KDM8: variants seen among roughly 807,000 people sequenced by gnomAD.
KDM8 encodes the protein bifunctional peptidase and arginyl-hydroxylase JMJD5.
Under a neutral mutation model 46.9 loss-of-function variants are expected in KDM8, and 35 were observed. The ratio of observed to expected loss-of-function variants is 0.75; its 90% CI spans 0.57 to 0.99. The LOEUF is 0.99. KDM8 is among the 50% of genes least tolerant of loss of function. KDM8 has a pLI of 0.00. For synonymous variants in KDM8, 232 were observed against 227.7 expected, an observed-to-expected ratio of 1.02 and a Z score of -0.17; for missense variants, 475 against 537.0, an observed-to-expected ratio of 0.88 and a Z score of 1.14.
chr16:27,203,923 G>T, intron 1 of KDM8: 1 of 533,998 alleles, frequency 1.9e-6, no homozygotes, highest in South Asian at 2.5e-5. Flanking sequence ...AGGCCCTTAC[G>T]GCGGGCTGCT....
chr16:27,220,924 A>G lies in KDM8; in HGVS notation c.*194A>G. ...GAGCAGGGGCTGCCCAGGAAGGAGC[A>G]CACTCCAGGCCAGGGGTGCATGGCA... On this transcript the variant is annotated 3_prime_UTR_variant, in exon 8 of 8. Coordinates refer to ENST00000286096, the MANE Select transcript of KDM8 (RefSeq NM_024773.3). The G allele has an allele frequency of 1.4e-6, 1 of 699,666 alleles. No homozygotes were observed. The highest frequency in any genetic ancestry group is 1.5e-5 in the South Asian group (1 of 66,170). The allele number at this position is 699,666 out of a possible 1,614,324, so 43.3% of individuals were successfully genotyped here. A position where few individuals can be genotyped will look rare whatever the true frequency, so the allele number is the denominator to read the frequency against.
chr16:27,220,783 T>G lies in KDM8; in HGVS notation c.*53T>G. On this transcript the variant is annotated 3_prime_UTR_variant, in exon 8 of 8. Transcript: ENST00000286096. ...ATGCAGACAGCATTCATCTGTTCACTAATTTCCTGGGTCCTGGAATCTATA... is the reference window on the plus strand; with the variant it reads ...ATGCAGACAGCATTCATCTGTTCACGAATTTCCTGGGTCCTGGAATCTATA... The G allele has an allele frequency of 6.3e-7, 1 of 1,594,142 alleles. No homozygotes were observed.
At chr16:27,207,872 T>C (rs2083442341) in intron 1 of KDM8, among the ~76,000 whole-genome samples, 1 of 152,182 alleles carries the variant, frequency 6.6e-6, no homozygotes. Context: ...GGTGCCCTGC[T>C]GGGGGATAGT....
intron 5 of KDM8, chr16:27,216,281 C>G: frequency 1.9e-6 from 1 of 516,352 alleles, no homozygotes; most frequent in Non-Finnish European, 3.5e-6. Context: ...AGAGGTGATG[C>G]TGGCAGGTGG....
chr16:27,210,988 A>G (rs2083477759), intron 2 of KDM8, among the ~76,000 whole-genome samples: 1 of 152,090 alleles, frequency 6.6e-6, no homozygotes, highest in Non-Finnish European at 1.5e-5. Flanking sequence ...CATGTTTCTC[A>G]GGCTAATCTG....
chr16:27,220,526 C>T, intron 7 of KDM8, 40 bp from the exon 8 acceptor site: 1 of 1,614,102 alleles, frequency 6.2e-7, no homozygotes, highest in South Asian at 1.1e-5. Flanking sequence ...AGGTTCTCCC[C>T]ACTGCCCCTG....
Position 27,210,324 on chromosome 16 carries a change from C to T in KDM8, c.201C>T (p.Ser67=), listed in dbSNP as rs771979577. 1.9e-6 allele frequency: 3 copies of T among 1,613,318 alleles called. No individual in the cohort carries two copies. Among genetic ancestry groups the T allele is most frequent in the Non-Finnish European group, 2.5e-6 (3 of 1,180,050 alleles). The change falls in exon 2 of 8, where the codon AGC becomes AGT. Residue 67 remains serine, a synonymous_variant. Coordinates refer to ENST00000286096, the MANE Select transcript of KDM8 (RefSeq NM_024773.3). The stretch of plus-strand genomic sequence containing the variant: ...GCAGGAGGGACGAGTGTCTGCAGAG[C>T]AGCGAGGTGATCCTGGACTACTCCT... ...YEGRRDECLQ[S]SEVILDYSWE... is the part of the protein sequence containing the mutation.
chr16:27,209,861 C>T (rs1295546061), intron 1 of KDM8, among the ~76,000 whole-genome samples: 1 of 152,180 alleles, frequency 6.6e-6, no homozygotes, highest in Non-Finnish European at 1.5e-5. Flanking sequence ...AATACACGTT[C>T]CTTTCTGAAC....
At chr16:27,207,269 G>A (rs115359519) in intron 1 of KDM8, among the ~76,000 whole-genome samples, 11 of 152,326 alleles carry the variant, frequency 7.2e-5, no homozygotes, top group East Asian at 5.8e-4. Context: ...TTAGTCGGGC[G>A]TGATGGCATG....
At chr16:27,219,339 C>G (rs971332188) in intron 6 of KDM8, among the ~76,000 whole-genome samples, 1 of 152,250 alleles carries the variant, frequency 6.6e-6, no homozygotes, top group Non-Finnish European at 1.5e-5. Context: ...TCCCAAGATC[C>G]CTCACAGGGG....
intron 6 of KDM8, chr16:27,220,184 G>T (rs1319506230): frequency 3.4e-6 from 2 of 579,940 alleles, no homozygotes. Context: ...TCGTACCACT[G>T]CACTCCAGCC....
intron 1 of KDM8, chr16:27,203,862 G>A (rs1483485021): frequency 6.8e-6 from 3 of 440,148 alleles, no homozygotes; most frequent in Non-Finnish European, 8.1e-6. Flanking sequence ...GAAAGGTTCC[G>A]CGCGTGCGTA....
chr16:27,203,564 C>T lies in KDM8; in HGVS notation c.-104C>T, dbSNP rs575682618. ...CCTCTGGCTCCTCAGGGGACACAGC[C>T]GAGTGGTCGGACCAAACGCAACGAG... On this transcript the variant is annotated 5_prime_UTR_variant, in exon 1 of 8. Coordinates refer to ENST00000286096, the MANE Select transcript of KDM8 (RefSeq NM_024773.3). 3.3e-5 allele frequency: 5 copies of T among 153,472 alleles called. No individual in the cohort carries two copies. The highest frequency in any genetic ancestry group is 1.2e-4 in the African/African-American group (5 of 41,590). The allele number at this position is 153,472 out of a possible 1,614,324, so 9.5% of individuals were successfully genotyped here.
intron 5 of KDM8, 155 bp downstream of exon 5, chr16:27,216,144 T>C: frequency 1.4e-6 from 1 of 734,682 alleles, no homozygotes; most frequent in South Asian, 1.7e-5. Context: ...GAGGAGCCAT[T>C]TTCCTAAAGT....
Position 27,210,274 on chromosome 16 carries a change from C to T in KDM8, c.151C>T (p.Arg51Ter), listed in dbSNP as rs1158174697. 7.4e-6 allele frequency: 12 copies of T among 1,613,042 alleles called. No individual in the cohort carries two copies. Among genetic ancestry groups the T allele is most frequent in the Middle Eastern group, 1.6e-4 (1 of 6,084 alleles). ...VERSVVTLLQ[R>*]ATELFYEGRR... ...GAGGAGCGTGGTGACATTGTTGCAG[C>T]GAGCCACTGAGCTCTTCTACGAGGG... is the stretch of plus-strand genomic sequence containing the variant. The change falls in exon 2 of 8, where the codon CGA becomes TGA. Residue 51 changes from arginine to a stop codon, truncating the protein, a stop_gained. Coordinates refer to ENST00000286096, the MANE Select transcript of KDM8 (RefSeq NM_024773.3). LOFTEE classifies it high-confidence loss of function.
rs138249252 is a variant in KDM8, at chr16:27,214,773, G to A, written c.666-103G>A. ...GGGATGACAGTCCTTGTCTCTGCAC[G>A]TGAGGTTTTCCGAGGATGAAAGGGG... On this transcript the variant is annotated intron_variant, in intron 3 of 7. Transcript: ENST00000286096. 9.4e-4 allele frequency: 1,246 copies of A among 1,329,114 alleles called. 14 individuals carry two copies. In the African/African-American group the frequency reaches 0.016, roughly 17 times the overall value. 82.3% of individuals were successfully genotyped at this position (1,329,114 alleles called of 1,614,324 possible).
At chr16:27,211,154 C>G (rs2083481056) in intron 2 of KDM8, 1 of 453,940 alleles carries the variant, frequency 2.2e-6, no homozygotes, top group African/African-American at 2.0e-5. Flanking sequence ...AGGCAGCGCC[C>G]TTTCAGCAGA....
At position 27,221,620 on chromosome 16, in the gene KDM8, G is replaced by A. The variant is rs1382815430; in HGVS notation, c.*890G>A. 6.6e-6 allele frequency: 1 copy of A among 152,306 alleles called. No homozygotes were observed. The highest frequency in any genetic ancestry group is 2.4e-5 in the African/African-American group (1 of 41,464). 9.4% of individuals were successfully genotyped at this position (152,306 alleles called of 1,614,324 possible). ...TGACTCTCAAACCTGGGGGATTTGA[G>A]GCCAGGGGGAGAGCCAGGCTCTATG... is the stretch of plus-strand genomic sequence containing the variant. On this transcript the variant is annotated 3_prime_UTR_variant, in exon 8 of 8. Transcript: ENST00000286096.
intron 2 of KDM8, chr16:27,211,551 G>T (rs1193360583): frequency 5.1e-6 from 1 of 195,038 alleles, no homozygotes; most frequent in Non-Finnish European, 1.1e-5. Flanking sequence ...CTGTAGAGTG[G>T]CAGAGTACTG....
Sources: gnomAD v4.1 joint callset for allele counts (sites outside exome capture counted in the v4.1 genomes callset) on GRCh38, gnomAD v4.1.1 for gene constraint, MANE v1.5 for transcripts, NCBI Gene and HGNC (gene_info 2026-07-23, HGNC 2026-07-21) for gene names.